The following RAB33A variants were observed in gnomAD, a reference collection of about 807,000 sequenced individuals.
RAB33A encodes ras-related protein Rab-33A.
A neutral mutation model predicts 12.0 loss-of-function variants in RAB33A; 6 were observed. That is an observed-to-expected ratio of 0.50 (90% CI 0.27 to 0.99). The LOEUF (loss-of-function observed/expected upper bound fraction) is 0.99, where lower values mean the gene tolerates loss of function less well. Ranked by LOEUF, RAB33A falls within the 50% of genes least tolerant of loss-of-function variation. The probability of loss-of-function intolerance (pLI) is 0.11; values close to 1 mark genes in which losing one functional copy is unlikely to be tolerated. For synonymous variants in RAB33A, 70 were observed against 82.4 expected (o/e 0.85, Z 0.81); for missense variants, 109 against 192.0 (o/e 0.57, Z 2.55).
At chrX:130,126,279 G>A in the RAB33A span, among the ~76,000 whole-genome samples, 1 of 111,670 alleles carries the variant, frequency 9.0e-6, no homozygotes, top group Admixed American at 9.5e-5. Context: ...ATCACCTGAG[G>A]TCAGGAGTTC....
chrX:130,133,182 C>T, the RAB33A span: 1 of 841,741 alleles, frequency 1.2e-6, no homozygotes, highest in Non-Finnish European at 1.8e-6. Flanking sequence ...AATGTGTGGA[C>T]ATAAGATGGA....
the RAB33A span, among the ~76,000 whole-genome samples, chrX:130,143,846 CA>C: frequency 2.8e-4 from 28 of 100,247 alleles, no homozygotes; most frequent in Admixed American, 1.4e-3. Flanking sequence ...GAATCTGTCT[CA>C]AAAAAAAAAA....
At chrX:130,113,426 G>GT in the RAB33A span, among the ~76,000 whole-genome samples, 3 of 94,790 alleles carry the variant, frequency 3.2e-5, no homozygotes, top group South Asian at 4.6e-4. Flanking sequence ...TTTTAGTTTA[G>GT]ATTTTTTTTT....
At chrX:130,115,181 C>T in the RAB33A span, among the ~76,000 whole-genome samples, 1 of 111,309 alleles carries the variant, frequency 9.0e-6, no homozygotes, top group Admixed American at 9.6e-5. Flanking sequence ...GATGAGGTGG[C>T]TGATTTCTCC....
At chrX:130,132,409 C>G in the RAB33A span, among the ~76,000 whole-genome samples, 1 of 112,524 alleles carries the variant, frequency 8.9e-6, no homozygotes, top group African/African-American at 3.2e-5. Context: ...GATGAGGTTC[C>G]CACTTTTGCT....
chrX:130,182,478 G>A (rs994494196), intron 1 of RAB33A, among the ~76,000 whole-genome samples: 31 of 109,005 alleles, frequency 2.8e-4, no homozygotes, highest in African/African-American at 1.0e-3. Flanking sequence ...TTTGAGGCTG[G>A]GCGTGGTGGC....
chrX:130,165,524 G>A, the RAB33A span: 1 of 1,151,657 alleles, frequency 8.7e-7, no homozygotes, highest in African/African-American at 1.8e-5. Flanking sequence ...CCTCGGACTT[G>A]GAGGTTGCCT....
At chrX:130,146,448 AAT>A in the RAB33A span, among the ~76,000 whole-genome samples, 70 of 68,342 alleles carry the variant, frequency 1.0e-3, no homozygotes, top group African/African-American at 4.2e-3. Flanking sequence ...TGTCTCTCAA[AAT>A]ATGTGTGTGT....
At chrX:130,126,961 G>A in the RAB33A span, among the ~76,000 whole-genome samples, 1 of 112,291 alleles carries the variant, frequency 8.9e-6, no homozygotes, top group Non-Finnish European at 1.9e-5. Flanking sequence ...GTAGGATTTG[G>A]ATAGATAAAG....
At chrX:130,131,921 G>T in the RAB33A span, 1 of 887,063 alleles carries the variant, frequency 1.1e-6, no homozygotes, top group Non-Finnish European at 1.6e-6. Context: ...GCCCAGGCTG[G>T]AGTGCAATGG....
chrX:130,163,440 T>C, the RAB33A span, among the ~76,000 whole-genome samples: 6 of 111,601 alleles, frequency 5.4e-5, no homozygotes, highest in Non-Finnish European at 1.1e-4. Context: ...TTAAAAGCAG[T>C]TAGGAATCAA....
intron 1 of RAB33A, among the ~76,000 whole-genome samples, chrX:130,177,827 A>G (rs2031678385): frequency 8.9e-6 from 1 of 111,820 alleles, no homozygotes. Context: ...TGACAGAAAC[A>G]AGGATCTGGG....
chrX:130,111,351 C>T, the RAB33A span, among the ~76,000 whole-genome samples: 1 of 112,876 alleles, frequency 8.9e-6, no homozygotes, highest in Non-Finnish European at 1.9e-5. Flanking sequence ...TTCGTCCAGC[C>T]CCCTCGGCCC....
At chrX:130,147,664 A>G in the RAB33A span, 4 of 1,211,984 alleles carry the variant, frequency 3.3e-6, no homozygotes, top group Non-Finnish European at 4.5e-6. Context: ...GAGCCAAGTC[A>G]TTTAAGGGGC....
At chrX:130,147,843 G>T in the RAB33A span, 2 of 1,211,509 alleles carry the variant, frequency 1.7e-6, no homozygotes, top group South Asian at 3.5e-5. Flanking sequence ...ATGACTTGGC[G>T]CCTTGTCTTG....
At chrX:130,129,958 A>G in the RAB33A span, 80 of 1,209,102 alleles carry the variant, frequency 6.6e-5, no homozygotes, top group Non-Finnish European at 8.3e-5. Flanking sequence ...AAGAGTTATG[A>G]CAGGCACCTA....
chrX:130,134,696 T>C, the RAB33A span, among the ~76,000 whole-genome samples: 1 of 110,248 alleles, frequency 9.1e-6, no homozygotes, highest in African/African-American at 3.3e-5. Context: ...CAGCCGGGGG[T>C]GAACTGGACC....
chrX:130,115,719 AAG>A, the RAB33A span, among the ~76,000 whole-genome samples: 1 of 110,324 alleles, frequency 9.1e-6, no homozygotes. Context: ...AAAAGAAAGA[AAG>A]AAAGAAAGAA....
At chrX:130,128,611 C>T in the RAB33A span, among the ~76,000 whole-genome samples, 1 of 112,203 alleles carries the variant, frequency 8.9e-6, no homozygotes, top group Non-Finnish European at 1.9e-5. Flanking sequence ...AAAAGTTAAG[C>T]AATCTAAAAT....
Sources: gnomAD v4.1 joint callset for allele counts (sites outside exome capture counted in the v4.1 genomes callset) on GRCh38, gnomAD v4.1.1 for gene constraint, MANE v1.5 for transcripts, NCBI Gene and HGNC (gene_info 2026-07-23, HGNC 2026-07-21) for gene names.